The following SPAG16 variants were observed in gnomAD, a reference collection of about 807,000 sequenced individuals.
SPAG16 encodes the protein sperm associated antigen 16.
A neutral mutation model predicts 80.4 loss-of-function variants in SPAG16; 86 were observed. That is an observed-to-expected ratio of 1.07 (90% CI 0.90 to 1.28). SPAG16 has a LOEUF of 1.28. SPAG16 is among the 50% of genes most tolerant of loss of function. The probability of loss-of-function intolerance (pLI) is 0.00; values close to 1 mark genes in which losing one functional copy is unlikely to be tolerated. For missense variants in SPAG16, 870 were observed against 765.3 expected (o/e 1.14, Z -1.61); for synonymous variants, 294 against 265.9 (o/e 1.11, Z -1.03).
At chr2:213,379,081 CATT>C (rs1231245983) in intron 9 of SPAG16, among the ~76,000 whole-genome samples, 25 of 152,152 alleles carry the variant, frequency 1.6e-4, no homozygotes, top group Admixed American at 1.6e-3. Flanking sequence ...TTAATGGAAT[CATT>C]GTTGTGTCTC....
At chr2:213,862,102 G>A (rs1311471247) in intron 10 of SPAG16, among the ~76,000 whole-genome samples, 1 of 152,132 alleles carries the variant, frequency 6.6e-6, no homozygotes, top group African/African-American at 2.4e-5. Context: ...CAATGTTGAT[G>A]TTCTATAGTA....
intron 10 of SPAG16, among the ~76,000 whole-genome samples, chr2:213,819,852 G>C (rs1259834115): frequency 6.6e-6 from 1 of 151,738 alleles, no homozygotes; most frequent in South Asian, 2.1e-4. Context: ...TGCCTCCCGG[G>C]TTCAAACAAT....
At chr2:213,540,097 C>T (rs1430282972) in intron 10 of SPAG16, among the ~76,000 whole-genome samples, 8 of 149,418 alleles carry the variant, frequency 5.4e-5, no homozygotes, top group Middle Eastern at 3.5e-3. Flanking sequence ...TGCAGTGGCC[C>T]GATCTTGGCT....
At chr2:213,723,446 G>C (rs1219860000) in intron 10 of SPAG16, among the ~76,000 whole-genome samples, 1 of 152,182 alleles carries the variant, frequency 6.6e-6, no homozygotes, top group African/African-American at 2.4e-5. Flanking sequence ...TGAAGTCTGA[G>C]GGAAAGATGG....
At chr2:214,092,767 C>T (rs1401608800) in intron 13 of SPAG16, among the ~76,000 whole-genome samples, 4 of 151,902 alleles carry the variant, frequency 2.6e-5, no homozygotes, top group Non-Finnish European at 4.4e-5. Flanking sequence ...TTCTGTTTAC[C>T]AGTAGGGTCC....
At chr2:214,228,240 C>T (rs759901618) in intron 15 of SPAG16, among the ~76,000 whole-genome samples, 1 of 151,900 alleles carries the variant, frequency 6.6e-6, no homozygotes, top group Non-Finnish European at 1.5e-5. Flanking sequence ...CAAATTTCAA[C>T]TATATTTTAT....
At chr2:213,411,327 G>A (rs572711391) in intron 9 of SPAG16, among the ~76,000 whole-genome samples, 2 of 152,292 alleles carry the variant, frequency 1.3e-5, no homozygotes, top group African/African-American at 4.8e-5. Flanking sequence ...TGCAGAATTT[G>A]AGTCAATATT....
intron 10 of SPAG16, among the ~76,000 whole-genome samples, chr2:213,793,672 T>C (rs1045012278): frequency 6.6e-6 from 1 of 152,188 alleles, no homozygotes; most frequent in Non-Finnish European, 1.5e-5. Context: ...CAAAATGAAA[T>C]TCTCTAAAAG....
At chr2:213,350,978 A>G (rs2065292778) in intron 7 of SPAG16, among the ~76,000 whole-genome samples, 2 of 151,592 alleles carry the variant, frequency 1.3e-5, no homozygotes, top group South Asian at 4.2e-4. Context: ...ACAAAAAAAA[A>G]AAAACAAAAA....
At chr2:213,373,503 A>G (rs897207431) in intron 8 of SPAG16, among the ~76,000 whole-genome samples, 8 of 152,204 alleles carry the variant, frequency 5.3e-5, no homozygotes, top group African/African-American at 7.2e-5. Flanking sequence ...GCAACAATGT[A>G]TACACATAAA....
intron 15 of SPAG16, among the ~76,000 whole-genome samples, chr2:214,402,436 AT>A (rs1183170990): frequency 6.6e-6 from 1 of 151,784 alleles, no homozygotes; most frequent in Non-Finnish European, 1.5e-5. Context: ...TCTTTTCTTA[AT>A]TCTTAAATTA....
intron 15 of SPAG16, among the ~76,000 whole-genome samples, chr2:214,314,031 T>G (rs1695512526): frequency 6.6e-6 from 1 of 152,142 alleles, no homozygotes; most frequent in Non-Finnish European, 1.5e-5. Flanking sequence ...CAGCATTGTA[T>G]TTGTATCTAG....
At chr2:214,251,637 T>C (rs992312910) in intron 15 of SPAG16, among the ~76,000 whole-genome samples, 3 of 152,138 alleles carry the variant, frequency 2.0e-5, no homozygotes, top group African/African-American at 7.2e-5. Flanking sequence ...CTGAATTTCA[T>C]GGTTTTCTCA....
At chr2:213,513,556 C>G (rs1452293317) in intron 10 of SPAG16, among the ~76,000 whole-genome samples, 1 of 152,046 alleles carries the variant, frequency 6.6e-6, no homozygotes, top group African/African-American at 2.4e-5. Flanking sequence ...TTTTGTAATA[C>G]TGGTGTCTTC....
At chr2:213,678,339 T>C (rs905117479) in intron 10 of SPAG16, among the ~76,000 whole-genome samples, 1 of 152,114 alleles carries the variant, frequency 6.6e-6, no homozygotes, top group Non-Finnish European at 1.5e-5. Flanking sequence ...AGCTGGTTTT[T>C]TGAAAGGATC....
At chr2:213,715,222 G>GTCTGTCTGTCTATCTATCTATCTA (rs547716333) in intron 10 of SPAG16, among the ~76,000 whole-genome samples, 1 of 110,460 alleles carries the variant, frequency 9.1e-6, no homozygotes, top group African/African-American at 2.9e-5. Flanking sequence ...AGATCTATCT[G>GTCTGTCTGTCTATCTATCTATCTA]TCTATCTATC....
At chr2:214,237,636 A>G (rs1467106197) in intron 15 of SPAG16, among the ~76,000 whole-genome samples, 3 of 152,074 alleles carry the variant, frequency 2.0e-5, no homozygotes, top group Non-Finnish European at 2.9e-5. Context: ...TGTTGATTCA[A>G]TTTTTGTCAT....
intron 15 of SPAG16, among the ~76,000 whole-genome samples, chr2:214,345,552 C>G (rs11884543): frequency 0.49 from 73,738 of 151,966 alleles, 21,442 homozygotes; most frequent in Non-Finnish European, 0.65. Flanking sequence ...AAAAAGACAA[C>G]TATTACTTGC....
At chr2:213,720,177 G>A (rs1277144502) in intron 10 of SPAG16, among the ~76,000 whole-genome samples, 2 of 152,020 alleles carry the variant, frequency 1.3e-5, no homozygotes, top group South Asian at 4.1e-4. Context: ...CACACACCAG[G>A]GCCTTTCGGG....
Sources: gnomAD v4.1 joint callset for allele counts (sites outside exome capture counted in the v4.1 genomes callset) on GRCh38, gnomAD v4.1.1 for gene constraint, MANE v1.5 for transcripts, NCBI Gene and HGNC (gene_info 2026-07-23, HGNC 2026-07-21) for gene names.